ATP9B: variants seen among roughly 807,000 people sequenced by gnomAD.
The protein encoded by ATP9B is probable phospholipid-transporting ATPase IIB.
Under a neutral mutation model 146.1 loss-of-function variants are expected in ATP9B, and 110 were observed. That is an observed-to-expected ratio of 0.75 (90% CI 0.65 to 0.88). The LOEUF is 0.88. ATP9B is among the 40% of genes least tolerant of loss of function. ATP9B has a pLI of 0.00. For missense variants in ATP9B, 1,499 were observed against 1,496.4 expected, an observed-to-expected ratio of 1.00 and a Z score of -0.03; for synonymous variants, 604 against 569.7, an observed-to-expected ratio of 1.06 and a Z score of -0.86.
chr18:79,147,334 G>T (rs4799014), intron 6 of ATP9B, among the ~76,000 whole-genome samples: 37,981 of 152,090 alleles, frequency 0.25, 5,079 homozygotes, highest in East Asian at 0.5. Flanking sequence ...ATTTGCATAG[G>T]CAGCAGGAGT....
At chr18:79,299,733 CTA>C (rs1300112632) in intron 13 of ATP9B, among the ~76,000 whole-genome samples, 1 of 152,366 alleles carries the variant, frequency 6.6e-6, no homozygotes, top group African/African-American at 2.4e-5. Flanking sequence ...TAAATCCACT[CTA>C]TGAAGTTTTG....
chr18:79,167,463 T>C (rs2094988287), intron 7 of ATP9B, among the ~76,000 whole-genome samples: 1 of 152,074 alleles, frequency 6.6e-6, no homozygotes, highest in South Asian at 2.1e-4. Context: ...GGTCGTTCTG[T>C]TGAGTGTGCA....
chr18:79,088,195 A>G (rs1342702396), intron 1 of ATP9B, among the ~76,000 whole-genome samples: 1 of 152,208 alleles, frequency 6.6e-6, no homozygotes, highest in African/African-American at 2.4e-5. Context: ...ATCTTTCAGA[A>G]CTCGTTGTGC....
chr18:79,245,551 G>GGAGAGCACCACCCTACTGACTGTGCA (rs2095937201), intron 11 of ATP9B, among the ~76,000 whole-genome samples: 1 of 147,172 alleles, frequency 6.8e-6, no homozygotes, highest in Non-Finnish European at 1.5e-5. Context: ...TACTGACTGA[G>GGAGAGCACCACCCTACTGACTGTGCA]GAGGGCACCG....
chr18:79,173,841 C>G (rs762049384), intron 7 of ATP9B: 2 of 442,760 alleles, frequency 4.5e-6, no homozygotes, highest in South Asian at 3.2e-5. Flanking sequence ...ACAACTTTAC[C>G]TTTCTATACA....
At chr18:79,337,224 G>A in intron 18 of ATP9B, 55 bp from the exon 19 acceptor site, 1 of 1,599,008 alleles carries the variant, frequency 6.3e-7, no homozygotes, top group Non-Finnish European at 8.5e-7. Flanking sequence ...GCTCTGTGGA[G>A]TCCACACACA....
intron 11 of ATP9B, among the ~76,000 whole-genome samples, chr18:79,240,606 G>A (rs1482931486): frequency 2.0e-5 from 3 of 152,178 alleles, no homozygotes; most frequent in Non-Finnish European, 4.4e-5. Flanking sequence ...TTAGCTGGGT[G>A]TGGTGGTGCA....
At chr18:79,211,768 G>A (rs2095586223) in intron 10 of ATP9B, among the ~76,000 whole-genome samples, 1 of 152,154 alleles carries the variant, frequency 6.6e-6, no homozygotes, top group Admixed American at 6.5e-5. Flanking sequence ...CTGGTTTGTT[G>A]TTGTGGTTGT....
At chr18:79,177,573 C>T (rs2095193000) in intron 8 of ATP9B, among the ~76,000 whole-genome samples, 1 of 152,102 alleles carries the variant, frequency 6.6e-6, no homozygotes, top group African/African-American at 2.4e-5. Flanking sequence ...TGGCTGTGTG[C>T]TCCTCTCCTT....
At chr18:79,375,858 C>G (rs2097099109) in intron 29 of ATP9B, 1 of 985,252 alleles carries the variant, frequency 1.0e-6, no homozygotes, top group South Asian at 4.7e-5. Flanking sequence ...CTCCATAGAT[C>G]TTTTTATCCC....
chr18:79,069,830 T>G (rs188185650), intron 1 of ATP9B, among the ~76,000 whole-genome samples: 55 of 152,312 alleles, frequency 3.6e-4, no homozygotes, highest in African/African-American at 1.1e-3. Context: ...TCTCCTAAAG[T>G]AAACGGGGAT....
At position 79,155,923 on chromosome 18, in the gene ATP9B, C is replaced by T. The variant is rs554938417; in HGVS notation, c.778+1368C>T. Among the ~76,000 whole-genome samples the T allele has an allele frequency of 1.5e-3, 225 of 151,850 alleles. 3 individuals carry two copies. Among genetic ancestry groups the T allele is most frequent in the African/African-American group, 5.0e-3 (209 of 41,444 alleles). Reference sequence around the variant, plus strand: ...GACTACAGGCGCCCACCACCATGCCCGGCTAATTTTTTGTATTTTTAGTAG... The same window carrying T: ...GACTACAGGCGCCCACCACCATGCCTGGCTAATTTTTTGTATTTTTAGTAG... On this transcript the variant is annotated intron_variant, in intron 7 of 29. Transcript: ENST00000426216.
chr18:79,203,382 C>T (rs1370912404), intron 9 of ATP9B, among the ~76,000 whole-genome samples: 2 of 152,132 alleles, frequency 1.3e-5, no homozygotes, highest in Non-Finnish European at 1.5e-5. Flanking sequence ...CTTAGAGTAA[C>T]AGCAGGCAGG....
rs189150802 is a variant in ATP9B at position 79,268,334 on chromosome 18, C to T, written c.1269-8720C>T. Among the ~76,000 whole-genome samples, 61 of 152,200 alleles carry T rather than the reference C, an allele frequency of 4.0e-4. No homozygotes were observed. In the East Asian group the frequency reaches 5.4e-3, roughly 13 times the overall value. On this transcript the variant is annotated intron_variant, in intron 12 of 29. Coordinates refer to ENST00000426216, the MANE Select transcript of ATP9B (RefSeq NM_198531.5). ...TTGATAATTTTTGACTAGAGTATTG[C>T]ATATTCAATTATTATAATACTGTTT...
chr18:79,340,258 T>A (rs1166283618), intron 19 of ATP9B: 13 of 152,240 alleles, frequency 8.5e-5, no homozygotes. Flanking sequence ...ATTTGCTAAG[T>A]TATATGACTT....
At chr18:79,099,336 C>T (rs935905196) in intron 2 of ATP9B, among the ~76,000 whole-genome samples, 2 of 152,054 alleles carry the variant, frequency 1.3e-5, no homozygotes, top group African/African-American at 4.8e-5. Flanking sequence ...ATTCTCCTTC[C>T]TCAGCCTCCT....
intron 1 of ATP9B, chr18:79,095,642 C>T (rs1325202188): frequency 6.6e-6 from 1 of 152,200 alleles, no homozygotes; most frequent in African/African-American, 2.4e-5. Context: ...GAGGAACCCA[C>T]GAGTCTGCTT....
At chr18:79,221,233 C>G (rs894316788) in intron 11 of ATP9B, among the ~76,000 whole-genome samples, 1 of 152,134 alleles carries the variant, frequency 6.6e-6, no homozygotes, top group Non-Finnish European at 1.5e-5. Flanking sequence ...TCACCACCTC[C>G]ACCACCGACT....
rs1334761797 is a variant in ATP9B, at chr18:79,347,922, G to A, written c.2835G>A (p.Met945Ile). 6.2e-7 allele frequency: 1 copy of A among 1,613,214 alleles called. No individual in the cohort carries two copies. Among genetic ancestry groups the A allele is most frequent in the Non-Finnish European group, 8.5e-7 (1 of 1,179,632 alleles). The change falls in exon 24 of 30, where the codon ATG becomes ATA. Residue 945 changes from methionine to isoleucine, a missense_variant. Coordinates refer to ENST00000426216, the MANE Select transcript of ATP9B (RefSeq NM_198531.5). ...VMHRGLIIST[M>I]QAVFSSVFYF... is the part of the protein sequence containing the mutation. ...ACAGGGGCCTTATCATCTCCACCAT[G>A]CAGGTACTAAGCCTTCTGTGCTGGC...
Sources: allele counts gnomAD v4.1 joint callset (sites outside exome capture counted in the v4.1 genomes callset), GRCh38; gene constraint gnomAD v4.1.1; transcripts MANE v1.5; gene names NCBI Gene and HGNC (gene_info 2026-07-23, HGNC 2026-07-21).